DENND4C: variants seen among roughly 807,000 people sequenced by gnomAD.
DENND4C encodes the protein DENN domain-containing protein 4C.
Under a neutral mutation model 203.0 loss-of-function variants are expected in DENND4C, and 108 were observed. That is an observed-to-expected ratio of 0.53 (90% CI 0.46 to 0.62). The LOEUF (loss-of-function observed/expected upper bound fraction) is 0.62, where lower values mean the gene tolerates loss of function less well. Ranked by LOEUF, DENND4C falls within the 20% of genes least tolerant of loss-of-function variation. The pLI is 0.00. For synonymous variants in DENND4C, 871 were observed against 792.4 expected (o/e 1.10, Z -1.67); for missense variants, 2,481 against 2,301.2 (o/e 1.08, Z -1.60).
At position 19,322,731 on chromosome 9, in the gene DENND4C, C is replaced by CAA. The variant is rs35416492; in HGVS notation, c.1808-1612_1808-1611dup. Among the ~76,000 whole-genome samples, 638 of 65,468 alleles carry CAA rather than the reference C, an allele frequency of 9.7e-3. 9 individuals are homozygous for CAA. Among genetic ancestry groups the CAA allele is most frequent in the African/African-American group, 0.029 (615 of 21,502 alleles). 42.9% of individuals were successfully genotyped at this position (65,468 alleles called of 152,430 possible). On this transcript the variant is annotated intron_variant, in intron 12 of 32. Coordinates refer to ENST00000434457, the MANE Select transcript of DENND4C (RefSeq NM_001330640.2). ...TGGGCAATACAGTGAGACTTCATCT[C>CAA]AAAAAAAAAAAAAAAAAAAATAAGG...
intron 2 of DENND4C, among the ~76,000 whole-genome samples, chr9:19,282,277 A>G (rs1176677655): frequency 6.6e-6 from 1 of 151,244 alleles, no homozygotes; most frequent in Non-Finnish European, 1.5e-5. Flanking sequence ...ATTTTTTGAG[A>G]CAGGGTCTCA....
At chr9:19,336,590 T>C in intron 19 of DENND4C, 96 bp from the exon 20 acceptor site, 2 of 1,443,240 alleles carry the variant, frequency 1.4e-6, no homozygotes, top group Non-Finnish European at 1.8e-6. Flanking sequence ...ATTTAGAAAG[T>C]GTTCTGCAAC....
chr9:19,294,065 G>C (rs557971277), intron 5 of DENND4C, among the ~76,000 whole-genome samples: 90 of 152,188 alleles, frequency 5.9e-4, no homozygotes, highest in Non-Finnish European at 1.1e-3. Flanking sequence ...TGAGATGCCT[G>C]TATGACATCC....
At chr9:19,273,758 G>C (rs959866573) in intron 1 of DENND4C, among the ~76,000 whole-genome samples, 2 of 151,994 alleles carry the variant, frequency 1.3e-5, no homozygotes, top group African/African-American at 4.8e-5. Flanking sequence ...AAATTAAAAA[G>C]ACTGATCTTA....
Position 19,345,824 on chromosome 9 carries a change from G to C in DENND4C, c.3152-97G>C, listed in dbSNP as rs1327467372. The C allele has an allele frequency of 5.3e-6, 6 of 1,141,924 alleles. No individual in the cohort carries two copies. The African/African-American group carries it at 9.4e-5, about 18-fold the overall frequency. 70.7% of individuals were successfully genotyped at this position (1,141,924 alleles called of 1,614,324 possible). The stretch of plus-strand genomic sequence containing the variant: ...AAATTTTCTGGATCTTTTATTCTGA[G>C]TATATGTCACATTCATAATCAGGAA... On this transcript the variant is annotated intron_variant, in intron 22 of 32. Transcript: ENST00000434457.
At chr9:19,292,880 G>A (rs1375931917) in intron 5 of DENND4C, among the ~76,000 whole-genome samples, 2 of 151,942 alleles carry the variant, frequency 1.3e-5, no homozygotes, top group Non-Finnish European at 2.9e-5. Context: ...TTTAATAGGC[G>A]ATTTTATTGA....
In DENND4C at chr9:19,232,067, T is replaced by G. The variant is rs188272896; in HGVS notation, c.-18+1234T>G. On this transcript the variant is annotated intron_variant, in intron 1 of 32. Coordinates refer to ENST00000434457, the MANE Select transcript of DENND4C (RefSeq NM_001330640.2). ...TTAGTTGCAAAAGGAAGTTTTCATC[T>G]TTGAACATTAAAGGTATCCTTTATT... is the stretch of plus-strand genomic sequence containing the variant. Among the ~76,000 whole-genome samples, 104 of 152,346 alleles carry G rather than the reference T, an allele frequency of 6.8e-4. No individual in the cohort carries two copies. In the East Asian group the frequency reaches 0.017, roughly 25 times the overall value.
chr9:19,231,878 G>A (rs1297006888), intron 1 of DENND4C, among the ~76,000 whole-genome samples: 2 of 151,952 alleles, frequency 1.3e-5, no homozygotes, highest in African/African-American at 2.4e-5. Context: ...ATTTACGTAG[G>A]AATAGGTTTT....
At chr9:19,309,128 A>G (rs1840262667) in intron 10 of DENND4C, among the ~76,000 whole-genome samples, 1 of 152,168 alleles carries the variant, frequency 6.6e-6, no homozygotes, top group South Asian at 2.1e-4. Context: ...AAAATATTCT[A>G]AAATTGCTTG....
chr9:19,275,159 G>T (rs571622363), intron 1 of DENND4C, among the ~76,000 whole-genome samples: 3 of 150,086 alleles, frequency 2.0e-5, no homozygotes, highest in Non-Finnish European at 4.4e-5. Flanking sequence ...TGTATTTTTA[G>T]TAGAGACAGG....
intron 10 of DENND4C, among the ~76,000 whole-genome samples, chr9:19,313,464 G>C (rs1299234549): frequency 1.3e-5 from 2 of 152,192 alleles, no homozygotes; most frequent in African/African-American, 4.8e-5. Flanking sequence ...GTCAGGGCCA[G>C]ATTACAAATG....
At chr9:19,301,009 G>A (rs1343490644) in intron 9 of DENND4C, among the ~76,000 whole-genome samples, 1 of 151,950 alleles carries the variant, frequency 6.6e-6, no homozygotes, top group Non-Finnish European at 1.5e-5. Context: ...GAGAAACCCT[G>A]CTCTACTAAA....
Position 19,286,973 on chromosome 9 carries a change from T to C in DENND4C, c.510T>C (p.Thr170=). ...ICVIVTSKGE[T]PPHTFCKVDK... is the part of the protein sequence containing the mutation. ...TTATTGTAACCAGTAAAGGAGAAAC[T>C]CCTCCTCATACCTTCTGCAAAGTTG... Residue 170 remains threonine (T), a synonymous_variant, in exon 3 of 33, where the codon ACT becomes ACC. Transcript: ENST00000434457. 1 of 1,232,082 alleles carries C rather than the reference T, an allele frequency of 8.1e-7. No individual in the cohort carries two copies. Among genetic ancestry groups the C allele is most frequent in the Non-Finnish European group, 1.0e-6 (1 of 987,936 alleles). The allele number at this position is 1,232,082 out of a possible 1,614,324, so 76.3% of individuals were successfully genotyped here.
chr9:19,315,367 C>A (rs575034364), intron 10 of DENND4C, among the ~76,000 whole-genome samples: 2 of 151,690 alleles, frequency 1.3e-5, no homozygotes, highest in Admixed American at 1.3e-4. Context: ...TGAAGATGTC[C>A]CCAATTTTCT....
rs1829007377 is a variant in DENND4C, at chr9:19,372,485, T to G, written c.*312T>G. 1 of 221,470 alleles carries G rather than the reference T, an allele frequency of 4.5e-6. No homozygotes were observed. Among genetic ancestry groups the G allele is most frequent in the African/African-American group, 2.3e-5 (1 of 43,996 alleles). 13.7% of individuals were successfully genotyped at this position (221,470 alleles called of 1,614,324 possible). ...AGAAATAATGAGGAACCATATTCATTCTAGGCATTGTTTATATTTGAAGTT... is the reference window on the plus strand; with the variant it reads ...AGAAATAATGAGGAACCATATTCATGCTAGGCATTGTTTATATTTGAAGTT... On this transcript the variant is annotated 3_prime_UTR_variant, in exon 33 of 33. Coordinates refer to ENST00000434457, the MANE Select transcript of DENND4C (RefSeq NM_001330640.2).
chr9:19,323,421 CTCTG>C (rs1843218565), intron 12 of DENND4C, among the ~76,000 whole-genome samples: 1 of 143,518 alleles, frequency 7.0e-6, no homozygotes, highest in African/African-American at 2.8e-5. Context: ...CAGAGCTAGA[CTCTG>C]TCTGGAAAAA....
intron 2 of DENND4C, 29 bp downstream of exon 2, chr9:19,276,508 T>C: frequency 8.2e-7 from 1 of 1,212,374 alleles, no homozygotes; most frequent in Non-Finnish European, 1.0e-6. Flanking sequence ...TTTGCTATAG[T>C]GAAGGAGTAA....
intron 10 of DENND4C, among the ~76,000 whole-genome samples, chr9:19,315,322 A>C (rs1588901613): frequency 6.6e-6 from 1 of 151,964 alleles, no homozygotes; most frequent in African/African-American, 2.4e-5. Flanking sequence ...TTCAGGGCAG[A>C]TGTGGCCTTG....
chr9:19,307,577 C>G (rs1243673773), intron 10 of DENND4C, among the ~76,000 whole-genome samples: 1 of 151,654 alleles, frequency 6.6e-6, no homozygotes, highest in Non-Finnish European at 1.5e-5. Context: ...CAAGACCACC[C>G]TGGCCAACAT....
Sources: allele counts gnomAD v4.1 joint callset (sites outside exome capture counted in the v4.1 genomes callset), GRCh38; gene constraint gnomAD v4.1.1; transcripts MANE v1.5; gene names NCBI Gene and HGNC (gene_info 2026-07-23, HGNC 2026-07-21).